The following SOX5 variants were observed in gnomAD, a reference collection of about 807,000 sequenced individuals.
SOX5 encodes the protein transcription factor SOX-5.
Under a neutral mutation model 92.0 loss-of-function variants are expected in SOX5, and 9 were observed. The observed-to-expected ratio is 0.10, with a 90% CI of 0.06 to 0.17. SOX5 has a LOEUF of 0.17. Ranked by LOEUF, SOX5 falls within the 10% of genes least tolerant of loss-of-function variation. The pLI, the probability that SOX5 is intolerant of heterozygous loss-of-function variation, is 1.00. For synonymous variants in SOX5, 344 were observed against 336.3 expected (o/e 1.02, Z -0.25); for missense variants, 642 against 944.5 (o/e 0.68, Z 4.20).
intron 4 of SOX5, among the ~76,000 whole-genome samples, chr12:24,053,016 T>C (rs1324506479): frequency 3.3e-5 from 5 of 152,218 alleles, no homozygotes; most frequent in African/African-American, 4.8e-5. Context: ...TCTGCTGCTA[T>C]GTTCTCCTTG....
chr12:24,435,028 A>T (rs1939139494), intron 1 of SOX5, among the ~76,000 whole-genome samples: 1 of 152,212 alleles, frequency 6.6e-6, no homozygotes, highest in Admixed American at 6.5e-5. Context: ...TACATTGCAG[A>T]TACTTTGACT....
intron 4 of SOX5, among the ~76,000 whole-genome samples, chr12:24,149,730 G>A (rs1259028516): frequency 1.3e-5 from 2 of 152,130 alleles, no homozygotes; most frequent in Non-Finnish European, 2.9e-5. Context: ...TTCATTATCT[G>A]CTTTATTTGT....
intron 4 of SOX5, among the ~76,000 whole-genome samples, chr12:24,008,141 G>T (rs533767910): frequency 9.9e-5 from 15 of 152,124 alleles, no homozygotes; most frequent in Admixed American, 8.5e-4. Context: ...GGGACAGTTT[G>T]ATCCAAAACA....
chr12:23,970,841 A>ATTTTTTTTTTTTTTT (rs1555456188), intron 4 of SOX5, among the ~76,000 whole-genome samples: 2 of 21,874 alleles, frequency 9.1e-5, no homozygotes, highest in African/African-American at 1.2e-4. Flanking sequence ...TATATATATA[A>ATTTTTTTTTTTTTTT]TTTTTTTTTT....
chr12:23,990,482 T>C (rs1002385312), intron 4 of SOX5, among the ~76,000 whole-genome samples: 3 of 152,218 alleles, frequency 2.0e-5, no homozygotes, highest in African/African-American at 7.2e-5. Context: ...TTCTGACATC[T>C]GTGTTATACG....
intron 4 of SOX5, among the ~76,000 whole-genome samples, chr12:24,151,472 A>G (rs1951644574): frequency 1.3e-5 from 2 of 152,200 alleles, no homozygotes; most frequent in South Asian, 2.1e-4. Flanking sequence ...ATATCAATTA[A>G]CTATTTACAA....
chr12:24,281,824 A>G (rs1945238434), intron 2 of SOX5, among the ~76,000 whole-genome samples: 1 of 152,210 alleles, frequency 6.6e-6, no homozygotes, highest in Non-Finnish European at 1.5e-5. Flanking sequence ...AAAAGGCTAA[A>G]GTACTCTTGA....
intron 4 of SOX5, among the ~76,000 whole-genome samples, chr12:24,087,002 G>A (rs538575660): frequency 7.2e-4 from 110 of 152,118 alleles, no homozygotes; most frequent in African/African-American, 2.4e-3. Flanking sequence ...TACACATATC[G>A]TGTTTTCACA....
At chr12:23,742,983 T>C (rs2093853378) in intron 4 of SOX5, among the ~76,000 whole-genome samples, 1 of 151,808 alleles carries the variant, frequency 6.6e-6, no homozygotes, top group South Asian at 2.1e-4. Context: ...AAAAATATCA[T>C]AAGAAATGTG....
At chr12:24,239,227 T>C (rs1371484881) in intron 3 of SOX5, among the ~76,000 whole-genome samples, 1 of 152,172 alleles carries the variant, frequency 6.6e-6, no homozygotes, top group Non-Finnish European at 1.5e-5. Flanking sequence ...ATTGCAGTAA[T>C]TGATATAACT....
At chr12:24,287,740 T>C (rs1946078152) in intron 2 of SOX5, among the ~76,000 whole-genome samples, 1 of 152,106 alleles carries the variant, frequency 6.6e-6, no homozygotes, top group Non-Finnish European at 1.5e-5. Flanking sequence ...CAAGTCATTT[T>C]TACTTAAGCG....
rs985536094 is a variant in SOX5, at chr12:23,684,253, C to G, written c.811-18689G>C. ...CCAAACCTAATGACGGTTCCTTTGG[C>G]CAGCAACATAAATGCTATAATCACA... On this transcript the variant is annotated intron_variant, in intron 6 of 14. Transcript: ENST00000451604. Among the ~76,000 whole-genome samples the G allele has an allele frequency of 2.6e-5, 4 of 152,056 alleles. No homozygotes were observed. The East Asian group carries it at 7.7e-4, about 29-fold the overall frequency.
intron 3 of SOX5, among the ~76,000 whole-genome samples, chr12:23,790,548 T>TCACA (rs941547453): frequency 0.084 from 11,558 of 137,240 alleles, 465 homozygotes; most frequent in African/African-American, 0.1. Context: ...TCTCAATCTC[T>TCACA]CACACACACA....
intron 2 of SOX5, among the ~76,000 whole-genome samples, chr12:24,281,043 G>A (rs1461305141): frequency 1.3e-5 from 2 of 149,008 alleles, no homozygotes; most frequent in African/African-American, 4.9e-5. Flanking sequence ...ATTAAGGAAA[G>A]AACTTTTCTC....
In SOX5 at chr12:23,529,947, A is replaced by T. The variant is rs927931400; in HGVS notation, c.*4272T>A. 2 of 152,174 alleles carry T rather than the reference A, an allele frequency of 1.3e-5. No individual in the cohort carries two copies. The highest frequency in any genetic ancestry group is 3.9e-4 in the East Asian group (2 of 5,194). The allele number at this position is 152,174 out of a possible 1,614,324, so 9.4% of individuals were successfully genotyped here. A position where few individuals can be genotyped will look rare whatever the true frequency, so the allele number is the denominator to read the frequency against. On this transcript the variant is annotated 3_prime_UTR_variant, in exon 15 of 15. Transcript: ENST00000451604. ...TTAGAGCCAGTGGAGCTATATAAAT[A>T]CTGTTTTAGTGAACCAGTGACGGAA... is the stretch of plus-strand genomic sequence containing the variant.
intron 2 of SOX5, among the ~76,000 whole-genome samples, chr12:24,353,386 A>G (rs921998293): frequency 1.3e-5 from 2 of 152,078 alleles, no homozygotes; most frequent in African/African-American, 2.4e-5. Flanking sequence ...AGAACTACAC[A>G]CTTTTTTCAA....
chr12:24,424,815 G>C (rs369027889), intron 1 of SOX5, among the ~76,000 whole-genome samples: 16 of 150,452 alleles, frequency 1.1e-4, no homozygotes, highest in Non-Finnish European at 1.8e-4. Context: ...TTTTGGGGGG[G>C]GGGGATGGCT....
intron 2 of SOX5, among the ~76,000 whole-genome samples, chr12:23,888,236 A>G (rs1306795049): frequency 6.6e-6 from 1 of 152,162 alleles, no homozygotes; most frequent in Admixed American, 6.6e-5. Context: ...TCCCTATTAA[A>G]TGAAAGTCAT....
chr12:24,519,922 G>T (rs1293362422), intron 1 of SOX5, among the ~76,000 whole-genome samples: 2 of 151,986 alleles, frequency 1.3e-5, no homozygotes, highest in Admixed American at 1.3e-4. Flanking sequence ...AGAGAATTTT[G>T]AAACAAGAGA....
Sources: gnomAD v4.1 joint callset for allele counts (sites outside exome capture counted in the v4.1 genomes callset) on GRCh38, gnomAD v4.1.1 for gene constraint, MANE v1.5 for transcripts, NCBI Gene and HGNC (gene_info 2026-07-23, HGNC 2026-07-21) for gene names.